The following SGPP2 variants were observed in gnomAD, a reference collection of about 807,000 sequenced individuals.
SGPP2 encodes the protein sphingosine 1-phosphate phosphohydrolase 2.
Under a neutral mutation model 33.9 loss-of-function variants are expected in SGPP2, and 30 were observed. The ratio of observed to expected loss-of-function variants is 0.89; its 90% confidence interval spans 0.66 to 1.20. The LOEUF (loss-of-function observed/expected upper bound fraction) is 1.20. SGPP2 is among the 50% of genes most tolerant of loss of function. The probability of loss-of-function intolerance (pLI) is 0.00; values close to 1 mark genes in which losing one functional copy is unlikely to be tolerated. For missense variants in SGPP2, 458 were observed against 532.1 expected (o/e 0.86, Z 1.37); for synonymous variants, 233 against 225.0 (o/e 1.04, Z -0.32).
intron 4 of SGPP2, among the ~76,000 whole-genome samples, chr2:222,528,625 T>C (rs1398584088): frequency 6.6e-6 from 1 of 152,088 alleles, no homozygotes. Context: ...GTTTTGTTTT[T>C]GTTTTTGTTT....
At position 222,555,445 on chromosome 2, in the gene SGPP2, GTTTTTTT is replaced by G. The variant is rs57228014; in HGVS notation, c.649-2887_649-2881del. Among the ~76,000 whole-genome samples the G allele has an allele frequency of 2.5e-3, 214 of 85,880 alleles. 4 individuals are homozygous for G. Among genetic ancestry groups the G allele is most frequent in the Admixed American group, 0.022 (174 of 7,986 alleles). 56.3% of individuals were successfully genotyped at this position (85,880 alleles called of 152,430 possible). On this transcript the variant is annotated intron_variant, in intron 4 of 4. Coordinates refer to ENST00000321276, the MANE Select transcript of SGPP2 (RefSeq NM_152386.4). ...TGTTAGCTGCTCATTTCTTTTATCCGTTTTTTTTTTTTTTTTTTTTTGGTGGTTGTTG... is the reference window on the plus strand; with the variant it reads ...TGTTAGCTGCTCATTTCTTTTATCCGTTTTTTTTTTTTTTGGTGGTTGTTG...
At chr2:222,527,876 CA>C (rs1355417140) in intron 4 of SGPP2, among the ~76,000 whole-genome samples, 1 of 152,108 alleles carries the variant, frequency 6.6e-6, no homozygotes, top group Admixed American at 6.5e-5. Context: ...TATTCAGCAG[CA>C]ACTTAATCAG....
intron 4 of SGPP2, among the ~76,000 whole-genome samples, chr2:222,527,951 AC>A (rs1698784756): frequency 1.3e-5 from 2 of 152,100 alleles, no homozygotes; most frequent in South Asian, 4.1e-4. Flanking sequence ...AACCTATGCC[AC>A]CCCTCAGGTG....
Position 222,562,187 on chromosome 2 carries a change from G to C in SGPP2, c.*3289G>C, listed in dbSNP as rs1689554615. On this transcript the variant is annotated 3_prime_UTR_variant, in exon 5 of 5. Coordinates refer to ENST00000321276, the MANE Select transcript of SGPP2 (RefSeq NM_152386.4). ...TATCTGCCTCTCCAGGAGCCAGATA[G>C]AATGACATGCCTTTTTCCTAATTGT... Among the ~76,000 whole-genome samples, 1 of 152,160 alleles carries C rather than the reference G, an allele frequency of 6.6e-6. No homozygotes were observed. The highest frequency in any genetic ancestry group is 1.5e-5 in the Non-Finnish European group (1 of 68,028).
rs548641984 is a variant in SGPP2 at position 222,543,520 on chromosome 2, A to G, written c.649-14827A>G. 1.3e-5 allele frequency among the ~76,000 whole-genome samples: 2 copies of G among 152,386 alleles called. 1 individual carries two copies. The highest frequency in any genetic ancestry group is 3.9e-4 in the East Asian group (2 of 5,194). ...AATTAGGGACAGTAAGAGATTAACA[A>G]CAACAACCAATAATAACATAGAACA... On this transcript the variant is annotated intron_variant, in intron 4 of 4. Coordinates refer to ENST00000321276, the MANE Select transcript of SGPP2 (RefSeq NM_152386.4).
intron 2 of SGPP2, among the ~76,000 whole-genome samples, chr2:222,487,732 G>A (rs978453259): frequency 6.6e-6 from 1 of 152,146 alleles, no homozygotes; most frequent in Non-Finnish European, 1.5e-5. Flanking sequence ...TCCTCCTCCT[G>A]TCCAGTGGTG....
intron 2 of SGPP2, among the ~76,000 whole-genome samples, chr2:222,512,356 T>C (rs1377477644): frequency 2.0e-5 from 3 of 151,994 alleles, no homozygotes; most frequent in African/African-American, 7.2e-5. Context: ...ACAGCAAAGT[T>C]GAGTGGAAAG....
chr2:222,430,177 T>C (rs79029755), intron 1 of SGPP2, among the ~76,000 whole-genome samples: 4 of 152,108 alleles, frequency 2.6e-5, no homozygotes, highest in Non-Finnish European at 5.9e-5. Flanking sequence ...GCCCATGAAG[T>C]CTTGAGTTGG....
chr2:222,542,562 T>C (rs74407926), intron 4 of SGPP2, among the ~76,000 whole-genome samples: 159 of 152,324 alleles, frequency 1.0e-3, no homozygotes, highest in African/African-American at 3.6e-3. Flanking sequence ...ACATCCTTAT[T>C]TGCACTTGTG....
chr2:222,524,000 T>C (rs1698722145), intron 3 of SGPP2, among the ~76,000 whole-genome samples: 1 of 152,204 alleles, frequency 6.6e-6, no homozygotes, highest in South Asian at 2.1e-4. Flanking sequence ...CAGTTCTGAC[T>C]CTCACTTACC....
chr2:222,426,840 G>T (rs1697078791), intron 1 of SGPP2, among the ~76,000 whole-genome samples: 1 of 152,116 alleles, frequency 6.6e-6, no homozygotes, highest in East Asian at 1.9e-4. Flanking sequence ...CTACACTCAG[G>T]CAATTTACAG....
At chr2:222,515,441 G>A (rs552892179) in intron 2 of SGPP2, among the ~76,000 whole-genome samples, 2 of 152,166 alleles carry the variant, frequency 1.3e-5, no homozygotes, top group South Asian at 4.1e-4. Flanking sequence ...CGATTCTGCT[G>A]CCTCAGCCTC....
At position 222,474,464 on chromosome 2, in the gene SGPP2, G is replaced by C. The variant is rs547494594; in HGVS notation, c.220-104G>C. 9.2e-5 allele frequency: 88 copies of C among 954,878 alleles called. 1 individual carries two copies. The South Asian group carries it at 9.8e-4, about 11-fold the overall frequency. The allele number at this position is 954,878 out of a possible 1,614,324, so 59.2% of individuals were successfully genotyped here. A position where few individuals can be genotyped will look rare whatever the true frequency, so the allele number is the denominator to read the frequency against. Reference sequence around the variant, plus strand: ...GATACCTTAATAACATAATGGGAGAGGAGACAGCGTCTTGGCAATTGAGAC... The same window carrying C: ...GATACCTTAATAACATAATGGGAGACGAGACAGCGTCTTGGCAATTGAGAC... On this transcript the variant is annotated intron_variant, in intron 1 of 4. Coordinates refer to ENST00000321276, the MANE Select transcript of SGPP2 (RefSeq NM_152386.4).
intron 1 of SGPP2, among the ~76,000 whole-genome samples, chr2:222,426,830 C>G (rs1191840814): frequency 6.6e-6 from 1 of 152,188 alleles, no homozygotes; most frequent in Non-Finnish European, 1.5e-5. Flanking sequence ...TATCTCTTAT[C>G]TACACTCAGG....
At chr2:222,529,982 A>G (rs1216385091) in intron 4 of SGPP2, among the ~76,000 whole-genome samples, 2 of 152,242 alleles carry the variant, frequency 1.3e-5, no homozygotes, top group Non-Finnish European at 2.9e-5. Flanking sequence ...CCTGAAAACA[A>G]CATAAATCTT....
intron 1 of SGPP2, among the ~76,000 whole-genome samples, chr2:222,466,891 C>G (rs865955611): frequency 4.1e-4 from 62 of 152,282 alleles, no homozygotes; most frequent in Middle Eastern, 6.8e-3. Context: ...TGTGCCTTCC[C>G]TTTGGTACTT....
chr2:222,445,473 A>G lies in SGPP2; in HGVS notation c.219+20652A>G, dbSNP rs1428915504. ...TGCAGTTGCTTTGCTGACTCACACC[A>G]GTTGCTTGACCCACATAGGCATTTC... On this transcript the variant is annotated intron_variant, in intron 1 of 4. Coordinates refer to ENST00000321276, the MANE Select transcript of SGPP2 (RefSeq NM_152386.4). Among the ~76,000 whole-genome samples, 6 of 152,268 alleles carry G rather than the reference A, an allele frequency of 3.9e-5. No individual in the cohort carries two copies. In the East Asian group the frequency reaches 1.2e-3, roughly 29 times the overall value.
rs1055905121 is a variant in SGPP2 at position 222,533,269 on chromosome 2, T to A, written c.648+8236T>A. On this transcript the variant is annotated intron_variant, in intron 4 of 4. Coordinates refer to ENST00000321276, the MANE Select transcript of SGPP2 (RefSeq NM_152386.4). ...TCTGAGGAGTGTCATCACCTTCCCT[T>A]TGGAGTGCCACCATTCATGTATCCC... Among the ~76,000 whole-genome samples, 7 of 152,096 alleles carry A rather than the reference T, an allele frequency of 4.6e-5. 1 individual carries two copies. The highest frequency in any genetic ancestry group is 3.9e-4 in the East Asian group (2 of 5,172).
chr2:222,448,757 C>G (rs1390042110), intron 1 of SGPP2, among the ~76,000 whole-genome samples: 1 of 152,150 alleles, frequency 6.6e-6, no homozygotes, highest in Non-Finnish European at 1.5e-5. Flanking sequence ...ACTGTGTTCC[C>G]CTGATGGCAT....
Sources: gnomAD v4.1 joint callset for allele counts (sites outside exome capture counted in the v4.1 genomes callset) on GRCh38, gnomAD v4.1.1 for gene constraint, MANE v1.5 for transcripts, NCBI Gene and HGNC (gene_info 2026-07-23, HGNC 2026-07-21) for gene names.